The following CLPTM1 variants were observed in gnomAD, a reference collection of about 807,000 sequenced individuals.
The protein encoded by CLPTM1 is putative lipid scramblase CLPTM1.
CLPTM1 carries 21 observed loss-of-function variants against 77.3 expected under a neutral mutation model. The ratio of observed to expected loss-of-function variants is 0.27; its 90% CI spans 0.19 to 0.39. The LOEUF (loss-of-function observed/expected upper bound fraction) is 0.39. Ranked by LOEUF, CLPTM1 falls within the 10% of genes least tolerant of loss-of-function variation. CLPTM1 has a pLI of 1.00. For synonymous variants in CLPTM1, 373 were observed against 381.0 expected, an observed-to-expected ratio of 0.98 and a Z score of 0.24; for missense variants, 642 against 921.2, an observed-to-expected ratio of 0.70 and a Z score of 3.92.
chr19:44,977,607 C>T lies in CLPTM1; in HGVS notation c.586+147C>T, dbSNP rs1218649806. ...GAGGGTGGGATTGGCAGGGCAGGCT[C>T]AAGCCCCACCCAGCCTGAAAGAGCC... On this transcript the variant is annotated intron_variant, in intron 5 of 13. Coordinates refer to ENST00000337392, the MANE Select transcript of CLPTM1 (RefSeq NM_001294.4). 17 of 680,372 alleles carry T rather than the reference C, an allele frequency of 2.5e-5. No homozygotes were observed. The South Asian group carries it at 2.9e-4, about 12-fold the overall frequency. 42.1% of individuals were successfully genotyped at this position (680,372 alleles called of 1,614,324 possible).
rs1306486775 is a variant in CLPTM1 at position 44,955,407 on chromosome 19, G to A, written c.12G>A (p.Ala4=). 6 of 1,338,258 alleles carry A rather than the reference G, an allele frequency of 4.5e-6. No homozygotes were observed. The highest frequency in any genetic ancestry group is 1.5e-5 in the African/African-American group (1 of 64,638). 82.9% of individuals were successfully genotyped at this position (1,338,258 alleles called of 1,614,324 possible). MAA[A]QEADGARSAV... ...CCCGGAGCGGGAAGATGGCGGCGGC[G>A]CAGGAGGCGGACGGGGCCCGCAGCG... Residue 4 remains alanine, a synonymous_variant, in exon 1 of 14, where the codon GCG becomes GCA. Transcript: ENST00000337392.
chr19:44,974,726 C>T (rs1025512251), intron 4 of CLPTM1, 129 bp downstream of exon 4: 11 of 1,049,006 alleles, frequency 1.0e-5, no homozygotes, highest in Non-Finnish European at 1.5e-5. Context: ...CCTGGGCTCA[C>T]ATGGTCTGTG....
chr19:44,954,858 CGAAA>C (rs1198053132), upstream of CLPTM1: 1 of 1,206,138 alleles, frequency 8.3e-7, no homozygotes, highest in Admixed American at 2.8e-5. Flanking sequence ...GAGACTTGAA[CGAAA>C]GAGTTGTCTT....
At chr19:44,957,123 AC>A (rs1306980036) in intron 1 of CLPTM1, among the ~76,000 whole-genome samples, 9 of 152,374 alleles carry the variant, frequency 5.9e-5, no homozygotes, top group Middle Eastern at 3.4e-3. Context: ...CGTGAGAACA[AC>A]TGCGCTAAAG....
At chr19:44,968,808 A>C (rs1421896263) in intron 2 of CLPTM1, among the ~76,000 whole-genome samples, 1 of 152,198 alleles carries the variant, frequency 6.6e-6, no homozygotes, top group Non-Finnish European at 1.5e-5. Context: ...TGTGTTTACT[A>C]AAATGAGAGC....
In CLPTM1 at chr19:44,984,018, G is replaced by A. The variant is rs527836300; in HGVS notation, c.587-1200G>A. Among the ~76,000 whole-genome samples the A allele has an allele frequency of 1.8e-3, 274 of 152,362 alleles. 1 individual carries two copies. The highest frequency in any genetic ancestry group is 6.0e-3 in the African/African-American group (249 of 41,600). ...GGCAGAGGTTGGGAGATGGAGCGTG[G>A]GCACGCACAAGCCCCTTCCTCCCCG... On this transcript the variant is annotated intron_variant, in intron 5 of 13. Transcript: ENST00000337392.
chr19:44,974,695 G>C (rs540977908), intron 4 of CLPTM1, 98 bp downstream of exon 4: 1 of 1,372,828 alleles, frequency 7.3e-7, no homozygotes, highest in Non-Finnish European at 9.9e-7. Context: ...TGTGGAGTTT[G>C]GGCTCCAGGC....
At chr19:44,956,629 G>T (rs1220262296) in intron 1 of CLPTM1, among the ~76,000 whole-genome samples, 2 of 152,270 alleles carry the variant, frequency 1.3e-5, no homozygotes, top group East Asian at 3.9e-4. Flanking sequence ...TGGAATGAAG[G>T]CTCAGTTCCT....
chr19:44,987,141 G>A (rs761964588), intron 7 of CLPTM1, 38 bp from the exon 8 acceptor site: 2 of 1,585,336 alleles, frequency 1.3e-6, no homozygotes, highest in South Asian at 2.3e-5. Flanking sequence ...CTGGCCTCCT[G>A]CCCGGGCCAA....
At chr19:44,973,781 T>TTTTTTTG (rs1970762069) in intron 3 of CLPTM1, among the ~76,000 whole-genome samples, 1 of 147,788 alleles carries the variant, frequency 6.8e-6, no homozygotes, top group Non-Finnish European at 1.5e-5. Flanking sequence ...TTTTTTTTTT[T>TTTTTTTG]GAGATGGAGT....
At chr19:44,955,712 C>A in intron 1 of CLPTM1, 1 of 383,946 alleles carries the variant, frequency 2.6e-6, no homozygotes, top group Non-Finnish European at 4.6e-6. Context: ...ATTGCTCGAT[C>A]CGGGGAGACA....
At position 44,977,327 on chromosome 19, in the gene CLPTM1, C is replaced by A; in HGVS notation, c.469-16C>A. 5 of 1,600,254 alleles carry A rather than the reference C, an allele frequency of 3.1e-6. No individual in the cohort carries two copies. The highest frequency in any genetic ancestry group is 3.4e-6 in the Non-Finnish European group (4 of 1,173,714). On this transcript the variant is annotated splice_polypyrimidine_tract_variant and intron_variant, in intron 4 of 13. Transcript: ENST00000337392. ...CAGTTGCCCAGCCTGCCCACCTGAC[C>A]TTCCGTCTTTTGCAGAGCGTCCAGC...
chr19:44,971,307 T>C (rs563806639), intron 2 of CLPTM1, among the ~76,000 whole-genome samples: 148 of 152,080 alleles, frequency 9.7e-4, no homozygotes, highest in African/African-American at 3.5e-3. Flanking sequence ...TATATTCTCA[T>C]TCTATCAATA....
In CLPTM1 at chr19:44,962,900, C is replaced by T. The variant is rs188180674; in HGVS notation, c.185+825C>T. Among the ~76,000 whole-genome samples the T allele has an allele frequency of 1.2e-3, 188 of 151,992 alleles. 1 individual carries two copies. The highest frequency in any genetic ancestry group is 1.6e-3 in the Non-Finnish European group (111 of 67,974). The stretch of plus-strand genomic sequence containing the variant: ...CCAACATAGTGATACCCCATCTCTA[C>T]TAAAAATAAAAAAATTCCGGAGGCT... On this transcript the variant is annotated intron_variant, in intron 2 of 13. Transcript: ENST00000337392.
chr19:44,990,442 C>T lies in CLPTM1; in HGVS notation c.1180C>T (p.Arg394Cys), dbSNP rs777780659. 46 of 1,613,958 alleles carry T rather than the reference C, an allele frequency of 2.9e-5. No individual in the cohort carries two copies. Among genetic ancestry groups the T allele is most frequent in the Middle Eastern group, 1.6e-4 (1 of 6,082 alleles). ...GCAGTCCCTGGAGGGCCTGTCCGTG[C>T]GCTCCGTCTTCTTCGGCGTTTTCCA... ...SRQSLEGLSV[R>C]SVFFGVFQSF... Residue 394 changes from arginine to cysteine, a missense_variant, in exon 10 of 14, where the codon CGC becomes TGC. Physicochemically the swap from Arg to Cys is radical, Grantham distance 180 (BLOSUM62 -3). Transcript: ENST00000337392. This position sits in a 1 kb window ranked among gnomAD's most constrained non-coding sequence, Gnocchi z 4.8.
At chr19:44,975,340 C>T (rs1970789303) in intron 4 of CLPTM1, among the ~76,000 whole-genome samples, 1 of 152,226 alleles carries the variant, frequency 6.6e-6, no homozygotes, top group South Asian at 2.1e-4. Flanking sequence ...TTCCATGTCC[C>T]CAGCACTGCC....
intron 9 of CLPTM1, among the ~76,000 whole-genome samples, chr19:44,988,895 A>G (rs1047104589): frequency 6.6e-6 from 1 of 152,132 alleles, no homozygotes; most frequent in African/African-American, 2.4e-5. Context: ...TTAAGATGCT[A>G]TTGCCGGCCT....
intron 8 of CLPTM1, 188 bp downstream of exon 8, chr19:44,987,611 C>A: frequency 1.4e-6 from 1 of 718,934 alleles, no homozygotes; most frequent in South Asian, 1.9e-5. Context: ...CCCTAGATGA[C>A]TGGGGGTCCT....
chr19:44,983,375 C>T (rs1308981979), intron 5 of CLPTM1, among the ~76,000 whole-genome samples: 1 of 152,010 alleles, frequency 6.6e-6, no homozygotes, highest in African/African-American at 2.4e-5. Flanking sequence ...CATCCCAGCA[C>T]TTTGGGAGAC....
Sources: gnomAD v4.1 joint callset for allele counts (sites outside exome capture counted in the v4.1 genomes callset) on GRCh38, gnomAD v4.1.1 for gene constraint, Gnocchi (gnomAD v3.1) non-coding constraint, MANE v1.5 for transcripts, NCBI Gene and HGNC (gene_info 2026-07-23, HGNC 2026-07-21) for gene names.